Variants in AP4B1 observed in about 807,000 individuals in gnomAD.
AP4B1 encodes AP-4 complex subunit beta-1.
AP4B1 carries 49 observed loss-of-function variants against 76.5 expected under a neutral mutation model. The ratio of observed to expected loss-of-function variants is 0.64; its 90% CI spans 0.51 to 0.81. The LOEUF (loss-of-function observed/expected upper bound fraction) is 0.81, where lower values mean the gene tolerates loss of function less well. AP4B1 is among the 40% of genes least tolerant of loss of function. The pLI, the probability that AP4B1 is intolerant of heterozygous loss-of-function variation, is 0.00. For missense variants in AP4B1, 911 were observed against 904.9 expected, an observed-to-expected ratio of 1.01 and a Z score of -0.09; for synonymous variants, 330 against 333.3, an observed-to-expected ratio of 0.99 and a Z score of 0.11.
chr1:113,901,191 A>G (rs1293080327), intron 4 of AP4B1, 45 bp downstream of exon 4: 7 of 1,610,328 alleles, frequency 4.3e-6, no homozygotes, highest in Non-Finnish European at 5.9e-6. Context: ...AAGATCCCAC[A>G]AGGTAGCAGA....
Position 113,895,788 on chromosome 1 carries a change from C to T in AP4B1, c.1761G>A (p.Glu587=), listed in dbSNP as rs780495407. Residue 587 remains glutamate (E), a synonymous_variant, in exon 9 of 10, where the codon GAG becomes GAA. Coordinates refer to ENST00000369569, the MANE Select transcript of AP4B1 (RefSeq NM_001253852.3). ...KCQGAERCDP[E]LPKTSSFAAS... ...CGGCAAAGGATGAAGTTTTAGGAAG[C>T]TCTGGGTCACAACGCTCTGCCCCCT... The T allele has an allele frequency of 1.2e-6, 2 of 1,614,222 alleles. No individual in the cohort carries two copies. Among genetic ancestry groups the T allele is most frequent in the Non-Finnish European group, 1.7e-6 (2 of 1,180,050 alleles).
At position 113,900,279 on chromosome 1, in the gene AP4B1, T is replaced by C. The variant is rs1411420608; in HGVS notation, c.739A>G (p.Ser247Gly). The C allele has an allele frequency of 7.5e-6, 12 of 1,604,924 alleles. No individual in the cohort carries two copies. Among genetic ancestry groups the C allele is most frequent in the South Asian group, 1.1e-5 (1 of 90,142 alleles). Residue 247 changes from serine (S) to glycine (G), a missense_variant, in exon 5 of 10, where the codon AGT (serine) becomes GGT (glycine). Transcript: ENST00000369569. ...LNLLDSFLKS[S>G]SPGVVMGATK... ...GCTCCCATCACCACACCTGGGCTAC[T>C]GCTCTTGAGGAAACTATCCAACAGA...
At position 113,895,055 on chromosome 1, in the gene AP4B1, C is replaced by T. The variant is rs1348552346; in HGVS notation, c.*10G>A. 3.7e-6 allele frequency: 6 copies of T among 1,611,314 alleles called. No homozygotes were observed. The highest frequency in any genetic ancestry group is 1.3e-5 in the African/African-American group (1 of 74,846). ...TATTCATCTTACTCTAGACAAGCAACAAGACTCTGTTATGATTTTATTTCT... is the reference window on the plus strand; with the variant it reads ...TATTCATCTTACTCTAGACAAGCAATAAGACTCTGTTATGATTTTATTTCT... On this transcript the variant is annotated 3_prime_UTR_variant, in exon 10 of 10. Transcript: ENST00000369569.
chr1:113,901,147 C>T, intron 4 of AP4B1, 89 bp downstream of exon 4: 2 of 1,499,626 alleles, frequency 1.3e-6, no homozygotes, highest in Non-Finnish European at 1.9e-6. Flanking sequence ...CTTTTCTACC[C>T]CACATAAGTT....
rs1667471797 is a variant in AP4B1 at position 113,896,405 on chromosome 1, A to G, written c.1363T>C (p.Tyr455His). Residue 455 changes from tyrosine (Y) to histidine (H), a missense_variant, in exon 8 of 10, where the codon TAT becomes CAT. By Grantham distance (83) the Tyr-to-His change is moderately conservative. Coordinates refer to ENST00000369569, the MANE Select transcript of AP4B1 (RefSeq NM_001253852.3). ...TTCTCAACAAAGTCCTCTAACACAT[A>G]AGGAGCATTAGGAATTCTTTCCCCA... is the stretch of plus-strand genomic sequence containing the variant. ...VHGERIPNAPYVLEDFVENVK... is the reference protein window; with the variant it reads ...VHGERIPNAPHVLEDFVENVK... The G allele has an allele frequency of 6.2e-7, 1 of 1,614,086 alleles. No homozygotes were observed. Among genetic ancestry groups the G allele is most frequent in the South Asian group, 1.1e-5 (1 of 91,092 alleles).
At position 113,898,774 on chromosome 1, in the gene AP4B1, T is replaced by A; in HGVS notation, c.1142A>T (p.Gln381Leu). 6.2e-7 allele frequency: 1 copy of A among 1,609,764 alleles called. No homozygotes were observed. Among genetic ancestry groups the A allele is most frequent in the Non-Finnish European group, 8.5e-7 (1 of 1,179,968 alleles). The stretch of plus-strand genomic sequence containing the variant: ...CAACTCTGTTAAAATCTGAACACAT[T>A]GATCTGTGTAAGTCCTGGCAATGCC... Reference protein sequence around the residue: ...IGGIARTYTDQCVQILTELLG... With the variant: ...IGGIARTYTDLCVQILTELLG... The change falls in exon 6 of 10, where the codon CAA becomes CTA. Residue 381 changes from glutamine to leucine, a missense_variant. Transcript: ENST00000369569.
chr1:113,901,191 A>C, intron 4 of AP4B1, 45 bp downstream of exon 4: 5 of 1,610,328 alleles, frequency 3.1e-6, no homozygotes, highest in Non-Finnish European at 4.2e-6. Flanking sequence ...AAGATCCCAC[A>C]AGGTAGCAGA....
rs535580984 is a variant in AP4B1, at chr1:113,900,566, C to A, written c.618-166G>T. On this transcript the variant is annotated intron_variant, in intron 4 of 9. Transcript: ENST00000369569. ...TTTCATGTACTATTTAAAGTTTACA[C>A]AAAAAAGGCTTAAAATTCCAAGATG... is the stretch of plus-strand genomic sequence containing the variant. The A allele has an allele frequency of 3.6e-4, 300 of 832,130 alleles. 1 individual carries two copies. The Middle Eastern group carries it at 7.3e-3, about 20-fold the overall frequency. 51.5% of individuals were successfully genotyped at this position (832,130 alleles called of 1,614,324 possible).
At position 113,904,641 on chromosome 1, in the gene AP4B1, C is replaced by T; in HGVS notation, c.77G>A (p.Arg26Lys). Residue 26 changes from arginine (R) to lysine (K), a missense_variant, in exon 1 of 10, where the codon AGG becomes AAG. By Grantham distance (26) the Arg-to-Lys change is conservative. Transcript: ENST00000369569. ...CTGGATGACATTCCGGTAGCGCAGC[C>T]TATCAGCTTGAATGTGAGGATTGCA... ...ALCNPHIQAD[R>K]LRYRNVIQRV... 1 of 1,613,806 alleles carries T rather than the reference C, an allele frequency of 6.2e-7. No individual in the cohort carries two copies. The highest frequency in any genetic ancestry group is 8.5e-7 in the Non-Finnish European group (1 of 1,180,016).
In AP4B1 at chr1:113,900,070, T is replaced by C. The variant is rs1341083033; in HGVS notation, c.948A>G (p.Lys316=). Reference sequence around the variant, plus strand: ...GCTCCGAGTAGGAGCAAAAAAACTTTTTGTAGTGGCTGCTAAAGTGACCTG... The same window carrying C: ...GCTCCGAGTAGGAGCAAAAAAACTTCTTGTAGTGGCTGCTAAAGTGACCTG... ...SLPGHFSSHY[K]KFFCSYSEPH... Residue 316 remains lysine (K), a synonymous_variant, in exon 5 of 10, where the codon AAA becomes AAG. Coordinates refer to ENST00000369569, the MANE Select transcript of AP4B1 (RefSeq NM_001253852.3). The C allele has an allele frequency of 6.2e-7, 1 of 1,614,204 alleles. No individual in the cohort carries two copies.
chr1:113,901,996 G>T, intron 2 of AP4B1, 111 bp from the exon 3 acceptor site: 1 of 1,344,030 alleles, frequency 7.4e-7, no homozygotes, highest in South Asian at 1.2e-5. Context: ...ATCAGATCAT[G>T]AAGAATTGCA....
rs1667296152 is a variant in AP4B1, at chr1:113,895,084, A to G, written c.2201T>C (p.Ile734Thr). The G allele has an allele frequency of 6.2e-7, 1 of 1,613,702 alleles. No individual in the cohort carries two copies. The highest frequency in any genetic ancestry group is 8.5e-7 in the Non-Finnish European group (1 of 1,179,872). The change falls in exon 10 of 10, where the codon ATT becomes ACT. Residue 734 changes from isoleucine to threonine, a missense_variant. Transcript: ENST00000369569. ...ISVLETVIGT[I>T]EEIKS ...ACTCTGTTATGATTTTATTTCTTCA[A>G]TTGTTCCAATCACAGTTTCTAATAC...
chr1:113,902,307 A>G (rs1668374301), intron 2 of AP4B1, among the ~76,000 whole-genome samples: 1 of 152,214 alleles, frequency 6.6e-6, no homozygotes, highest in Non-Finnish European at 1.5e-5. Flanking sequence ...CTGGGTCTAC[A>G]GGCATGAGCC....
In AP4B1 at chr1:113,900,306, T is replaced by C. The variant is rs745327689; in HGVS notation, c.712A>G (p.Asn238Asp). ...CTCTTGAGGAAACTATCCAACAGAT[T>C]GAGAATGTCAAATAGTTCTTCCTCA... is the stretch of plus-strand genomic sequence containing the variant. ...RSEEELFDIL[N>D]LLDSFLKSSS... The change falls in exon 5 of 10, where the codon AAT (asparagine) becomes GAT (aspartate). Residue 238 changes from asparagine to aspartate, a missense_variant. Transcript: ENST00000369569. 1 of 1,605,660 alleles carries C rather than the reference T, an allele frequency of 6.2e-7. No individual in the cohort carries two copies. Among genetic ancestry groups the C allele is most frequent in the Non-Finnish European group, 8.5e-7 (1 of 1,175,796 alleles).
intron 6 of AP4B1, 115 bp downstream of exon 6, chr1:113,898,603 C>T: frequency 1.2e-6 from 1 of 839,138 alleles, no homozygotes; most frequent in Non-Finnish European, 2.1e-6. Context: ...GATGATGATG[C>T]AAGGAAAAGT....
At chr1:113,902,386 C>T (rs947961386) in intron 2 of AP4B1, among the ~76,000 whole-genome samples, 1 of 152,174 alleles carries the variant, frequency 6.6e-6, no homozygotes, top group Non-Finnish European at 1.5e-5. Flanking sequence ...AAGATATACA[C>T]ATAATTGTTT....
At position 113,894,714 on chromosome 1, in the gene AP4B1, A is replaced by T. The variant is rs1250544305; in HGVS notation, c.*351T>A. The T allele has an allele frequency of 2.6e-5, 7 of 266,196 alleles. No homozygotes were observed. The East Asian group carries it at 6.1e-4, about 23-fold the overall frequency. 16.5% of individuals were successfully genotyped at this position (266,196 alleles called of 1,614,324 possible). ...ATTTACTATAATAATCCAGGGAAGA[A>T]AAGATGACCCCCACAAATGATGACC... On this transcript the variant is annotated 3_prime_UTR_variant, in exon 10 of 10. Transcript: ENST00000369569.
At chr1:113,899,379 T>C in intron 5 of AP4B1, 1 of 1,001,718 alleles carries the variant, frequency 1.0e-6, no homozygotes, top group Non-Finnish European at 1.2e-6. Context: ...TTATTCTGTG[T>C]TGGTCTACAT....
intron 2 of AP4B1, 93 bp from the exon 3 acceptor site, chr1:113,901,978 C>G (rs1237260809): frequency 7.0e-7 from 1 of 1,438,336 alleles, no homozygotes; most frequent in Non-Finnish European, 9.8e-7. Context: ...TTAGTAGATG[C>G]TGCACCCATC....
Sources: gnomAD v4.1 joint callset for allele counts (sites outside exome capture counted in the v4.1 genomes callset) on GRCh38, gnomAD v4.1.1 for gene constraint, MANE v1.5 for transcripts, NCBI Gene and HGNC (gene_info 2026-07-23, HGNC 2026-07-21) for gene names.